The following FARS2 variants were observed in gnomAD, a reference collection of about 807,000 sequenced individuals.
FARS2 encodes the protein phenylalanyl-tRNA synthetase 2, mitochondrial.
Under a neutral mutation model 46.4 loss-of-function variants are expected in FARS2, and 40 were observed. The ratio of observed to expected loss-of-function variants is 0.86; its 90% CI spans 0.67 to 1.12. The LOEUF is 1.12. FARS2 is among the 50% of genes most tolerant of loss of function. FARS2 has a pLI of 0.00. For missense variants in FARS2, 513 were observed against 567.9 expected, an observed-to-expected ratio of 0.90 and a Z score of 0.98; for synonymous variants, 234 against 214.9, an observed-to-expected ratio of 1.09 and a Z score of -0.78.
intron 1 of FARS2, among the ~76,000 whole-genome samples, chr6:5,298,611 C>T (rs561360603): frequency 5.9e-5 from 9 of 152,244 alleles, no homozygotes; most frequent in Admixed American, 3.3e-4. Context: ...AGTCTCATGT[C>T]CAGAGATTCC....
At chr6:5,354,952 G>C (rs1251766142) in intron 1 of FARS2, among the ~76,000 whole-genome samples, 2 of 152,136 alleles carry the variant, frequency 1.3e-5, no homozygotes, top group East Asian at 3.8e-4. Flanking sequence ...CTTCTCTGGT[G>C]ATGTCAATGT....
At chr6:5,352,241 G>A (rs529387028) in intron 1 of FARS2, among the ~76,000 whole-genome samples, 1 of 150,536 alleles carries the variant, frequency 6.6e-6, no homozygotes, top group Non-Finnish European at 1.5e-5. Flanking sequence ...CCAAAAGATT[G>A]GACACTCCTG....
intron 5 of FARS2, among the ~76,000 whole-genome samples, chr6:5,563,852 A>T (rs1438016024): frequency 6.6e-6 from 1 of 152,216 alleles, no homozygotes; most frequent in East Asian, 1.9e-4. Context: ...GGAATTTATT[A>T]AAGAGAGATT....
At chr6:5,569,907 C>T (rs929439149) in intron 5 of FARS2, among the ~76,000 whole-genome samples, 4 of 152,102 alleles carry the variant, frequency 2.6e-5, no homozygotes, top group African/African-American at 7.2e-5. Flanking sequence ...AAGAGGACTG[C>T]ATTAACAGGG....
chr6:5,337,339 A>G (rs78708040), intron 1 of FARS2, among the ~76,000 whole-genome samples: 5,811 of 152,174 alleles, frequency 0.038, 346 homozygotes, highest in African/African-American at 0.13. Context: ...CTTTCAAACG[A>G]ACTTGGGAAT....
chr6:5,444,466 CAAAAAAAAAAAAA>C (rs751990577), intron 4 of FARS2, among the ~76,000 whole-genome samples: 2 of 91,478 alleles, frequency 2.2e-5, no homozygotes, highest in African/African-American at 9.8e-5. Flanking sequence ...GACTCTGTCT[CAAAAAAAAAAAAA>C]AAAAAAAAAA....
the FARS2 span, among the ~76,000 whole-genome samples, chr6:5,252,593 C>A: frequency 0.25 from 38,576 of 152,064 alleles, 5,640 homozygotes; most frequent in African/African-American, 0.4. Context: ...TTCTTCCCAC[C>A]GTTTTCTCTC....
At chr6:5,713,677 C>G (rs746382377) in intron 6 of FARS2, among the ~76,000 whole-genome samples, 9 of 152,328 alleles carry the variant, frequency 5.9e-5, no homozygotes, top group South Asian at 2.1e-4. Context: ...GAGCATTGCT[C>G]AAGGTGCAAA....
chr6:5,587,316 T>C (rs2142737), intron 5 of FARS2, among the ~76,000 whole-genome samples: 86,106 of 152,016 alleles, frequency 0.57, 24,626 homozygotes, highest in Non-Finnish European at 0.61. Flanking sequence ...GTTCATAGAA[T>C]TTCAGATTAA....
chr6:5,726,498 G>A (rs56274944), intron 6 of FARS2, among the ~76,000 whole-genome samples: 4,545 of 152,284 alleles, frequency 0.03, 226 homozygotes, highest in African/African-American at 0.1. Flanking sequence ...AGCCAGGGCC[G>A]TAAAGAAACA....
intron 6 of FARS2, among the ~76,000 whole-genome samples, chr6:5,690,081 C>G (rs1018401620): frequency 5.3e-5 from 8 of 152,230 alleles, no homozygotes; most frequent in African/African-American, 1.9e-4. Context: ...TTATTTTGAG[C>G]CTATGTGTGT....
At chr6:5,578,808 C>CAAAAAAAAAAA (rs56248218) in intron 5 of FARS2, among the ~76,000 whole-genome samples, 4 of 124,374 alleles carry the variant, frequency 3.2e-5, no homozygotes, top group African/African-American at 9.6e-5. Flanking sequence ...CACTCCGTCT[C>CAAAAAAAAAAA]AAAAAAAAAA....
At chr6:5,624,521 TG>T (rs1184495756) in intron 6 of FARS2, among the ~76,000 whole-genome samples, 1 of 152,242 alleles carries the variant, frequency 6.6e-6, no homozygotes, top group Admixed American at 6.5e-5. Flanking sequence ...CTGAAGGAGC[TG>T]TATCTTCAAT....
At chr6:5,369,365 G>A (rs1212779995) in intron 2 of FARS2, among the ~76,000 whole-genome samples, 183 bp downstream of exon 2, 1 of 152,132 alleles carries the variant, frequency 6.6e-6, no homozygotes, top group Non-Finnish European at 1.5e-5. Flanking sequence ...TGACCGCTTT[G>A]TTGTGTTAGT....
chr6:5,545,367 GATA>G (rs771129571), intron 5 of FARS2, 27 bp downstream of exon 5: 37 of 1,570,154 alleles, frequency 2.4e-5, no homozygotes, highest in Non-Finnish European at 2.9e-5. Context: ...GAACTGAATA[GATA>G]ATAATAAAAA....
chr6:5,720,558 T>C (rs1228921886), intron 6 of FARS2, among the ~76,000 whole-genome samples: 1 of 152,242 alleles, frequency 6.6e-6, no homozygotes, highest in Non-Finnish European at 1.5e-5. Flanking sequence ...CCCTAGGCTC[T>C]AGAGCAGCAT....
At chr6:5,685,742 G>A (rs114565438) in intron 6 of FARS2, among the ~76,000 whole-genome samples, 3,101 of 152,208 alleles carry the variant, frequency 0.02, 110 homozygotes, top group African/African-American at 0.069. Context: ...AGCTACCATA[G>A]GCCTCACCCA....
At chr6:5,755,239 G>T (rs1009725207) in intron 6 of FARS2, among the ~76,000 whole-genome samples, 2 of 152,082 alleles carry the variant, frequency 1.3e-5, no homozygotes, top group Non-Finnish European at 2.9e-5. Context: ...TGGGGTACAT[G>T]TGCAGAACAT....
chr6:5,447,949 G>T (rs1562048066), intron 4 of FARS2, among the ~76,000 whole-genome samples: 1 of 152,238 alleles, frequency 6.6e-6, no homozygotes, highest in Admixed American at 6.5e-5. Flanking sequence ...CTTGAAGAGT[G>T]TTCTTTTACC....
Sources: allele counts gnomAD v4.1 joint callset (sites outside exome capture counted in the v4.1 genomes callset), GRCh38; gene constraint gnomAD v4.1.1; transcripts MANE v1.5; gene names NCBI Gene and HGNC (gene_info 2026-07-23, HGNC 2026-07-21).